The following DISC1 variants were observed in gnomAD, a reference collection of about 807,000 sequenced individuals.
The protein encoded by DISC1 is DISC1 scaffold protein, also known as disrupted in schizophrenia 1 protein.
A neutral mutation model predicts 84.5 loss-of-function variants in DISC1; 57 were observed. That is an observed-to-expected ratio of 0.67 (90% CI 0.55 to 0.84). DISC1 has a LOEUF of 0.84. DISC1 is among the 40% of genes least tolerant of loss of function. DISC1 has a pLI of 0.00. For synonymous variants in DISC1, 411 were observed against 415.2 expected, an observed-to-expected ratio of 0.99 and a Z score of 0.12; for missense variants, 1,000 against 1,057.8, an observed-to-expected ratio of 0.95 and a Z score of 0.76.
rs552933083 is a variant in DISC1 at position 231,719,646 on chromosome 1, T to C, written c.1117+17622T>C. On this transcript the variant is annotated intron_variant, in intron 3 of 12. Transcript: ENST00000439617. ...GTTATGTATCATTCAGAATGAATGT[T>C]TGTTAAATTATACTCACTGGTAAAA... 2.6e-4 allele frequency among the ~76,000 whole-genome samples: 39 copies of C among 152,362 alleles called. No individual in the cohort carries two copies. The East Asian group carries it at 6.5e-3, about 26-fold the overall frequency.
chr1:232,011,464 C>T (rs16856152), intron 11 of DISC1, among the ~76,000 whole-genome samples: 8,451 of 152,198 alleles, frequency 0.056, 338 homozygotes, highest in East Asian at 0.2. Context: ...GTTCCTGTAT[C>T]GCAGTGCTGG....
intron 9 of DISC1, among the ~76,000 whole-genome samples, chr1:231,898,173 C>T (rs916116091): frequency 6.6e-6 from 1 of 152,188 alleles, no homozygotes; most frequent in Non-Finnish European, 1.5e-5. Flanking sequence ...ATAACCTTGA[C>T]CTCCAGCAAA....
intron 3 of DISC1, 149 bp from the exon 4 acceptor site, chr1:231,749,777 A>G: frequency 1.1e-6 from 1 of 945,202 alleles, no homozygotes; most frequent in Non-Finnish European, 1.6e-6. Context: ...ACCAACTGAG[A>G]GATGAAAGTG....
intron 1 of DISC1, among the ~76,000 whole-genome samples, chr1:231,665,445 T>G (rs1293699011): frequency 1.3e-5 from 2 of 152,176 alleles, no homozygotes; most frequent in Non-Finnish European, 1.5e-5. Flanking sequence ...CTGAATTGCT[T>G]GATGTGTGCT....
chr1:231,695,299 C>A (rs1249878460), intron 2 of DISC1, among the ~76,000 whole-genome samples: 1 of 152,220 alleles, frequency 6.6e-6, no homozygotes, highest in African/African-American at 2.4e-5. Context: ...GTCATTGAAC[C>A]TCTTTGGCTC....
At chr1:231,930,202 G>T (rs2090572387) in intron 9 of DISC1, among the ~76,000 whole-genome samples, 2 of 152,208 alleles carry the variant, frequency 1.3e-5, no homozygotes, top group African/African-American at 2.4e-5. Context: ...GGCGCTTAGA[G>T]ATCCTGTCCT....
At chr1:231,865,508 C>T (rs549637806) in intron 9 of DISC1, among the ~76,000 whole-genome samples, 1 of 152,306 alleles carries the variant, frequency 6.6e-6, no homozygotes, top group South Asian at 2.1e-4. Context: ...GCCTAATAAA[C>T]ATTAGGTTGA....
intron 5 of DISC1, among the ~76,000 whole-genome samples, chr1:231,768,802 C>T (rs1231334068): frequency 6.6e-6 from 1 of 152,156 alleles, no homozygotes; most frequent in African/African-American, 2.4e-5. Flanking sequence ...GTGATAAGAG[C>T]TTCACAGAGT....
At chr1:231,780,771 C>G (rs1231633431) in intron 6 of DISC1, among the ~76,000 whole-genome samples, 1 of 92,110 alleles carries the variant, frequency 1.1e-5, no homozygotes, top group Admixed American at 1.3e-4. Flanking sequence ...AGATGTCCAT[C>G]AATGATAGAC....
chr1:231,750,030 C>T lies in DISC1; in HGVS notation c.1222C>T (p.Leu408=). Residue 408 remains leucine (L), a synonymous_variant, in exon 4 of 13, where the codon CTG becomes TTG. Transcript: ENST00000439617. ...QPALSSFLGH[L]AAQVQAALRR... is the part of the protein sequence containing the mutation. The stretch of plus-strand genomic sequence containing the variant: ...AGCTCTTAGCAGTTTCCTGGGTCAC[C>T]TGGCAGCACAAGTCCAGGCTGCCTT... 2 of 1,614,228 alleles carry T rather than the reference C, an allele frequency of 1.2e-6. No individual in the cohort carries two copies. The highest frequency in any genetic ancestry group is 2.2e-5 in the South Asian group (2 of 91,086).
chr1:231,819,219 T>C (rs1052044492), intron 9 of DISC1: 2 of 809,932 alleles, frequency 2.5e-6, no homozygotes, highest in Non-Finnish European at 3.0e-6. Flanking sequence ...GAAAGAAATA[T>C]ATATATGAAT....
chr1:231,801,389 A>G (rs751628768), intron 8 of DISC1, among the ~76,000 whole-genome samples: 4 of 152,222 alleles, frequency 2.6e-5, no homozygotes, highest in Non-Finnish European at 5.9e-5. Context: ...GTTAAGCCCA[A>G]GGGAAGAAAT....
chr1:232,001,783 T>C (rs1487582580), intron 10 of DISC1, among the ~76,000 whole-genome samples: 1 of 151,690 alleles, frequency 6.6e-6, no homozygotes, highest in Non-Finnish European at 1.5e-5. Flanking sequence ...TATAAAACTT[T>C]TAGGAAAAAA....
intron 11 of DISC1, among the ~76,000 whole-genome samples, chr1:232,018,236 A>G (rs575695321): frequency 6.6e-6 from 1 of 152,364 alleles, no homozygotes; most frequent in African/African-American, 2.4e-5. Flanking sequence ...TCTCTTATCA[A>G]AACAACCATT....
At chr1:232,004,331 G>T (rs1667068750) in intron 10 of DISC1, among the ~76,000 whole-genome samples, 1 of 151,870 alleles carries the variant, frequency 6.6e-6, no homozygotes, top group Admixed American at 6.6e-5. Flanking sequence ...CCTTTGATAA[G>T]ACTGAATAAG....
intron 9 of DISC1, among the ~76,000 whole-genome samples, chr1:231,823,620 C>G: frequency 6.6e-6 from 1 of 152,152 alleles, no homozygotes; most frequent in South Asian, 2.1e-4. Context: ...ATGCAGAAAG[C>G]TCTTTTACTT....
intron 3 of DISC1, among the ~76,000 whole-genome samples, chr1:231,736,530 C>T (rs1268416476): frequency 6.6e-6 from 1 of 152,192 alleles, no homozygotes; most frequent in Non-Finnish European, 1.5e-5. Context: ...GATTATTATG[C>T]TTGAAGTCTT....
At chr1:231,714,703 G>C (rs1040021657) in intron 3 of DISC1, among the ~76,000 whole-genome samples, 1 of 149,306 alleles carries the variant, frequency 6.7e-6, no homozygotes, top group African/African-American at 2.5e-5. Flanking sequence ...AGAGAGATAG[G>C]GATTGAGAGA....
chr1:231,733,653 A>G (rs1573363898), intron 3 of DISC1, among the ~76,000 whole-genome samples: 3 of 127,058 alleles, frequency 2.4e-5, no homozygotes, highest in Admixed American at 7.6e-5. Context: ...TGATGGTGGG[A>G]GTGATGGTGG....
Sources: allele counts gnomAD v4.1 joint callset (sites outside exome capture counted in the v4.1 genomes callset), GRCh38; gene constraint gnomAD v4.1.1; transcripts MANE v1.5; gene names NCBI Gene and HGNC (gene_info 2026-07-23, HGNC 2026-07-21).